SPAM1: variants seen among roughly 807,000 people sequenced by gnomAD.
The protein encoded by SPAM1 is sperm adhesion molecule 1.
In SPAM1, 22 loss-of-function variants were observed where a neutral mutation model predicts 29.6. The ratio of observed to expected loss-of-function variants is 0.74; its 90% CI spans 0.53 to 1.06. The LOEUF (loss-of-function observed/expected upper bound fraction) is 1.06. Among genes scored for constraint, SPAM1 ranks in the 50% least tolerant of loss-of-function variants. The pLI, the probability that SPAM1 is intolerant of heterozygous loss-of-function variation, is 0.00. For missense variants in SPAM1, 534 were observed against 604.0 expected, an observed-to-expected ratio of 0.88 and a Z score of 1.21; for synonymous variants, 194 against 204.6, an observed-to-expected ratio of 0.95 and a Z score of 0.44.
At chr7:123,968,822 A>C (rs1295425410) in intron 5 of SPAM1, among the ~76,000 whole-genome samples, 1 of 152,082 alleles carries the variant, frequency 6.6e-6, no homozygotes, top group Non-Finnish European at 1.5e-5. Flanking sequence ...CATCTGTGTG[A>C]GAATGAAATG....
intron 1 of SPAM1, among the ~76,000 whole-genome samples, chr7:123,944,552 T>A (rs1472084175): frequency 6.6e-6 from 1 of 152,216 alleles, no homozygotes; most frequent in Non-Finnish European, 1.5e-5. Context: ...TGCTGCTCCC[T>A]GTGGGAAGTT....
chr7:123,931,106 C>A (rs1240882242), intron 1 of SPAM1, among the ~76,000 whole-genome samples: 1 of 152,166 alleles, frequency 6.6e-6, no homozygotes, highest in Non-Finnish European at 1.5e-5. Context: ...ATGCTGCTTG[C>A]ACACTTCATG....
chr7:123,928,133 T>C (rs995602746), intron 1 of SPAM1, among the ~76,000 whole-genome samples: 4 of 152,146 alleles, frequency 2.6e-5, no homozygotes, highest in African/African-American at 9.7e-5. Flanking sequence ...AAAAAAACCC[T>C]GCTATAAAAT....
At chr7:123,937,706 T>C (rs1298363324) in intron 1 of SPAM1, among the ~76,000 whole-genome samples, 1 of 152,126 alleles carries the variant, frequency 6.6e-6, no homozygotes, top group Non-Finnish European at 1.5e-5. Flanking sequence ...TTTAAAGAGT[T>C]AAGTGATGCT....
At chr7:123,965,602 C>G (rs767100878) in intron 5 of SPAM1, among the ~76,000 whole-genome samples, 1 of 151,988 alleles carries the variant, frequency 6.6e-6, no homozygotes, top group Non-Finnish European at 1.5e-5. Flanking sequence ...TGTTGAAGAT[C>G]AGATGGCTGC....
chr7:123,932,894 A>G (rs1000001471), intron 1 of SPAM1, among the ~76,000 whole-genome samples: 2 of 152,154 alleles, frequency 1.3e-5, no homozygotes, highest in Non-Finnish European at 2.9e-5. Context: ...AGGGTGTCCC[A>G]GCCAATGATA....
At chr7:123,937,898 T>A (rs369052675) in intron 1 of SPAM1, among the ~76,000 whole-genome samples, 1 of 152,092 alleles carries the variant, frequency 6.6e-6, no homozygotes, top group South Asian at 2.1e-4. Context: ...AAAAAGTGAA[T>A]GTGAGAAGAC....
chr7:123,953,888 A>G lies in SPAM1; in HGVS notation c.318A>G (p.Thr106=). The G allele has an allele frequency of 6.2e-7, 1 of 1,613,752 alleles. No homozygotes were observed. The highest frequency in any genetic ancestry group is 8.5e-7 in the Non-Finnish European group (1 of 1,179,802). The change falls in exon 3 of 5, where the codon ACA becomes ACG. Residue 106 remains threonine, a synonymous_variant. Coordinates refer to ENST00000682466, the MANE Select transcript of SPAM1 (RefSeq NM_153189.3). ...LGYYPYIDSI[T]GVTVNGGIPQ... is the part of the protein sequence containing the mutation. ...ACTATCCTTACATAGATTCAATCAC[A>G]GGAGTAACTGTGAATGGAGGAATCC...
intron 1 of SPAM1, among the ~76,000 whole-genome samples, chr7:123,938,208 T>C (rs779778962): frequency 2.1e-4 from 32 of 152,146 alleles, no homozygotes; most frequent in Non-Finnish European, 4.1e-4. Flanking sequence ...CCTCAAGTGA[T>C]TCTCTGGCTT....
intron 1 of SPAM1, among the ~76,000 whole-genome samples, chr7:123,937,402 C>T (rs1432244850): frequency 1.3e-5 from 2 of 151,960 alleles, no homozygotes; most frequent in Non-Finnish European, 2.9e-5. Flanking sequence ...GAGATCGAGA[C>T]CATCCTGGAT....
In SPAM1 at chr7:123,959,994, A is replaced by C; in HGVS notation, c.*25A>C. 1 of 1,574,622 alleles carries C rather than the reference A, an allele frequency of 6.4e-7. No individual in the cohort carries two copies. Among genetic ancestry groups the C allele is most frequent in the Non-Finnish European group, 8.6e-7 (1 of 1,165,106 alleles). The stretch of plus-strand genomic sequence containing the variant: ...ATTGCGCAGGTTAGCTGAAATGAAC[A>C]ATATGTCCATCTTAAAGTGTGCTTT... On this transcript the variant is annotated 3_prime_UTR_variant, in exon 5 of 5. Coordinates refer to ENST00000682466, the MANE Select transcript of SPAM1 (RefSeq NM_153189.3).
Position 123,954,170 on chromosome 7 carries a change from G to C in SPAM1, c.600G>C (p.Leu200=), listed in dbSNP as rs1792187498. Reference sequence around the variant, plus strand: ...TTGAAAAGGCAGGGAAGGATTTCCTGGTAGAGACTATAAAATTGGGAAAAT... The same window carrying C: ...TTGAAAAGGCAGGGAAGGATTTCCTCGTAGAGACTATAAAATTGGGAAAAT... The part of the protein sequence containing the change: ...QEFEKAGKDF[L]VETIKLGKLL... Residue 200 remains leucine (L), a synonymous_variant, in exon 3 of 5, where the codon CTG becomes CTC. Transcript: ENST00000682466. The C allele has an allele frequency of 1.9e-6, 3 of 1,613,444 alleles. No individual in the cohort carries two copies. In the East Asian group the frequency reaches 6.7e-5, roughly 36 times the overall value.
In SPAM1 at chr7:123,953,734, C is replaced by T. The variant is rs1047010033; in HGVS notation, c.164C>T (p.Ala55Val). 9 of 1,613,124 alleles carry T rather than the reference C, an allele frequency of 5.6e-6. No individual in the cohort carries two copies. The highest frequency in any genetic ancestry group is 7.6e-6 in the Non-Finnish European group (9 of 1,179,638). Residue 55 changes from alanine to valine, a missense_variant, in exon 3 of 5, where the codon GCC becomes GTC. Physicochemically the swap from Ala to Val is moderately conservative, Grantham distance 64. Coordinates refer to ENST00000682466, the MANE Select transcript of SPAM1 (RefSeq NM_153189.3). The part of the protein sequence containing the change: ...PNVPFLWAWN[A>V]PSEFCLGKFD... ...GTGCCTTTCCTCTGGGCCTGGAATG[C>T]CCCAAGTGAATTTTGTCTTGGAAAA...
intron 2 of SPAM1, among the ~76,000 whole-genome samples, chr7:123,952,856 T>A (rs144743972): frequency 1.8e-3 from 273 of 149,038 alleles, no homozygotes; most frequent in African/African-American, 6.3e-3. Flanking sequence ...AAACTGTTGA[T>A]TTACTACTTC....
intron 5 of SPAM1, among the ~76,000 whole-genome samples, chr7:123,969,660 T>A (rs576206620): frequency 1.3e-5 from 2 of 152,238 alleles, no homozygotes; most frequent in South Asian, 4.1e-4. Flanking sequence ...TCTGTTTTTA[T>A]ACCAATACCA....
chr7:123,950,885 G>A (rs1000441943), intron 2 of SPAM1, among the ~76,000 whole-genome samples: 16 of 152,128 alleles, frequency 1.1e-4, no homozygotes, highest in African/African-American at 3.6e-4. Flanking sequence ...CACCAGAAGT[G>A]TATAAGTGTG....
intron 1 of SPAM1, among the ~76,000 whole-genome samples, chr7:123,934,229 G>C (rs986062287): frequency 2.6e-5 from 4 of 152,016 alleles, no homozygotes; most frequent in Non-Finnish European, 5.9e-5. Context: ...ATGCATAACT[G>C]TATATAAAAA....
At position 123,954,515 on chromosome 7, in the gene SPAM1, C is replaced by T. The variant is rs1792203631; in HGVS notation, c.945C>T (p.Phe315=). The T allele has an allele frequency of 6.3e-7, 1 of 1,588,744 alleles. No individual in the cohort carries two copies. The highest frequency in any genetic ancestry group is 1.3e-5 in the African/African-American group (1 of 74,166). Residue 315 remains phenylalanine (F), a synonymous_variant, in exon 3 of 5, where the codon TTC becomes TTT. Coordinates refer to ENST00000682466, the MANE Select transcript of SPAM1 (RefSeq NM_153189.3). ...TTTTTACTGATCAAGTTTTGAAATT[C>T]CTTTCTCAAGTAAGTAAATCAGGGT... The part of the protein sequence containing the change: ...RIVFTDQVLK[F]LSQDELVYTF...
chr7:123,955,162 A>T, intron 4 of SPAM1, 76 bp downstream of exon 4: 5 of 1,008,096 alleles, frequency 5.0e-6, no homozygotes, highest in African/African-American at 1.6e-5. Flanking sequence ...GGTATTAAAT[A>T]AGAAAATAAG....
Sources: gnomAD v4.1 joint callset for allele counts (sites outside exome capture counted in the v4.1 genomes callset) on GRCh38, gnomAD v4.1.1 for gene constraint, MANE v1.5 for transcripts, NCBI Gene and HGNC (gene_info 2026-07-23, HGNC 2026-07-21) for gene names.